Variants in LRCH1 observed in about 807,000 individuals in gnomAD.
The protein encoded by LRCH1 is leucine rich repeats and calponin homology domain containing 1, also known as leucine-rich repeat and calponin homology domain-containing protein 1.
In LRCH1, 23 loss-of-function variants were observed where a neutral mutation model predicts 94.9. That is an observed-to-expected ratio of 0.24 (90% confidence interval 0.17 to 0.34). The LOEUF (loss-of-function observed/expected upper bound fraction) is 0.34. Ranked by LOEUF, LRCH1 falls within the 10% of genes least tolerant of loss-of-function variation. The pLI, the probability that LRCH1 is intolerant of heterozygous loss-of-function variation, is 1.00. For missense variants in LRCH1, 790 were observed against 945.9 expected, an observed-to-expected ratio of 0.84 and a Z score of 2.16; for synonymous variants, 364 against 354.9, an observed-to-expected ratio of 1.03 and a Z score of -0.29.
In LRCH1 at chr13:46,706,491, CT is replaced by C. The variant is rs1871766965; in HGVS notation, c.1527+1188del. Among the ~76,000 whole-genome samples the C allele has an allele frequency of 7.2e-5, 11 of 152,310 alleles. No homozygotes were observed. In the South Asian group the frequency reaches 2.3e-3, roughly 32 times the overall value. On this transcript the variant is annotated intron_variant, in intron 13 of 19. Transcript: ENST00000389797. ...GGAAGTCTTTTATTTGCAGTCTCCC[CT>C]GGACCAATTTCATCAAGCTCTTCCT...
chr13:46,711,990 A>C, intron 14 of LRCH1, 146 bp downstream of exon 14: 2 of 583,422 alleles, frequency 3.4e-6, no homozygotes, highest in Non-Finnish European at 6.0e-6. Context: ...ATTAGCTATC[A>C]TAGCTTTATC....
chr13:46,694,776 C>T, intron 8 of LRCH1, 117 bp from the exon 9 acceptor site: 2 of 1,117,126 alleles, frequency 1.8e-6, no homozygotes, highest in South Asian at 3.3e-5. Flanking sequence ...TTTCATATAC[C>T]TTCTTCATAG....
At chr13:46,721,864 T>C (rs1872595465) in intron 16 of LRCH1, among the ~76,000 whole-genome samples, 1 of 152,172 alleles carries the variant, frequency 6.6e-6, no homozygotes, top group South Asian at 2.1e-4. Context: ...CCATAGAGCA[T>C]CAGAATGTGA....
intron 10 of LRCH1, among the ~76,000 whole-genome samples, chr13:46,699,955 C>T (rs879649446): frequency 2.0e-5 from 3 of 152,184 alleles, no homozygotes; most frequent in Non-Finnish European, 2.9e-5. Flanking sequence ...TCACAGATGA[C>T]GAAACTGAGG....
At chr13:46,722,382 T>G (rs1304582512) in intron 16 of LRCH1, among the ~76,000 whole-genome samples, 1 of 152,180 alleles carries the variant, frequency 6.6e-6, no homozygotes, top group Non-Finnish European at 1.5e-5. Flanking sequence ...AAAATCAAGT[T>G]TAAGTCTGCC....
intron 1 of LRCH1, among the ~76,000 whole-genome samples, chr13:46,566,426 A>G (rs2050185197): frequency 1.3e-5 from 2 of 152,150 alleles, no homozygotes; most frequent in African/African-American, 4.8e-5. Context: ...GGCTACTGAT[A>G]TGGTAACTCG....
chr13:46,573,703 C>T (rs1038197324), intron 1 of LRCH1, among the ~76,000 whole-genome samples: 4 of 149,636 alleles, frequency 2.7e-5, no homozygotes, highest in African/African-American at 9.8e-5. Context: ...TGGACATAGA[C>T]ATAGAGAGTA....
At chr13:46,582,990 A>G (rs2050390680) in intron 1 of LRCH1, among the ~76,000 whole-genome samples, 1 of 152,096 alleles carries the variant, frequency 6.6e-6, no homozygotes, top group African/African-American at 2.4e-5. Context: ...AAAAGACTAC[A>G]TTTCTGAAAA....
At chr13:46,625,628 T>TG (rs199896621) in intron 1 of LRCH1, among the ~76,000 whole-genome samples, 4 of 92,916 alleles carry the variant, frequency 4.3e-5, no homozygotes, top group African/African-American at 1.5e-4. Flanking sequence ...AATAAATGTG[T>TG]GGGGTTTTTT....
intron 1 of LRCH1, among the ~76,000 whole-genome samples, chr13:46,599,791 G>T (rs1205929133): frequency 6.6e-6 from 1 of 152,132 alleles, no homozygotes; most frequent in Non-Finnish European, 1.5e-5. Context: ...AGCCTAGTAG[G>T]TGCTCAGTTC....
At chr13:46,618,634 A>G (rs370030794) in intron 1 of LRCH1, among the ~76,000 whole-genome samples, 2 of 152,336 alleles carry the variant, frequency 1.3e-5, no homozygotes, top group East Asian at 3.9e-4. Flanking sequence ...TGGACGTTAC[A>G]CTACAATGTA....
chr13:46,582,420 A>G (rs1469428951), intron 1 of LRCH1, among the ~76,000 whole-genome samples: 2 of 115,058 alleles, frequency 1.7e-5, no homozygotes, highest in African/African-American at 6.7e-5. Flanking sequence ...AGTGGCTGAG[A>G]TCAATAAGAG....
At chr13:46,750,631 C>G (rs568403081) in exon 19 of LRCH1, 1 of 1,551,292 alleles carries the variant, frequency 6.4e-7, no homozygotes, top group Non-Finnish European at 8.7e-7. Flanking sequence ...ATCACCGTAA[C>G]GAAGGCTCTG....
chr13:46,741,562 G>C (rs1873653628), intron 19 of LRCH1, 80 bp from the exon 20 acceptor site: 1 of 1,574,486 alleles, frequency 6.4e-7, no homozygotes, highest in Non-Finnish European at 8.7e-7. Flanking sequence ...AAAAATGTGT[G>C]CTTCTTTCTA....
At chr13:46,555,591 AT>A (rs5803350) in intron 1 of LRCH1, among the ~76,000 whole-genome samples, 53,624 of 152,040 alleles carry the variant, frequency 0.35, 11,706 homozygotes, top group East Asian at 0.5. Context: ...GCAGGTTTTT[AT>A]TTATGAGCTC....
intron 16 of LRCH1, among the ~76,000 whole-genome samples, chr13:46,720,775 GTTAT>G (rs886854524): frequency 2.6e-5 from 4 of 152,148 alleles, no homozygotes; most frequent in Non-Finnish European, 5.9e-5. Context: ...TCCCGGTGAA[GTTAT>G]TCTGTTGTAA....
At chr13:46,635,488 T>TG (rs61568339) in intron 1 of LRCH1, among the ~76,000 whole-genome samples, 1 of 149,256 alleles carries the variant, frequency 6.7e-6, no homozygotes, top group Non-Finnish European at 1.5e-5. Context: ...TTTTTTTTTT[T>TG]GAGACGGAGT....
chr13:46,600,278 T>C (rs770196205), intron 1 of LRCH1, among the ~76,000 whole-genome samples: 3 of 152,194 alleles, frequency 2.0e-5, no homozygotes, highest in Non-Finnish European at 4.4e-5. Flanking sequence ...GAGTCTGGTG[T>C]TATTTGTTTT....
intron 5 of LRCH1, among the ~76,000 whole-genome samples, chr13:46,686,326 A>G (rs1870613488): frequency 6.6e-6 from 1 of 152,152 alleles, no homozygotes; most frequent in African/African-American, 2.4e-5. Flanking sequence ...ATGTTAATAG[A>G]CTGAGTGAGG....
Sources: gnomAD v4.1 joint callset for allele counts (sites outside exome capture counted in the v4.1 genomes callset) on GRCh38, gnomAD v4.1.1 for gene constraint, MANE v1.5 for transcripts, NCBI Gene and HGNC (gene_info 2026-07-23, HGNC 2026-07-21) for gene names.